Variants in TRAPPC8 observed in about 807,000 individuals in gnomAD.
TRAPPC8 encodes general sporulation gene 1 homolog.
TRAPPC8 carries 54 observed loss-of-function variants against 174.3 expected under a neutral mutation model. That is an observed-to-expected ratio of 0.31 (90% CI 0.25 to 0.39). The LOEUF (loss-of-function observed/expected upper bound fraction) is 0.39. Ranked by LOEUF, TRAPPC8 falls within the 10% of genes least tolerant of loss-of-function variation. The probability of loss-of-function intolerance (pLI) is 1.00; values close to 1 mark genes in which losing one functional copy is unlikely to be tolerated. For missense variants in TRAPPC8, 1,531 were observed against 1,699.1 expected, an observed-to-expected ratio of 0.90 and a Z score of 1.74; for synonymous variants, 630 against 579.9, an observed-to-expected ratio of 1.09 and a Z score of -1.24.
chr18:31,855,444 ATAT>A (rs531114985), intron 21 of TRAPPC8, among the ~76,000 whole-genome samples: 30 of 152,204 alleles, frequency 2.0e-4, no homozygotes, highest in Non-Finnish European at 3.4e-4. Context: ...AGTGTGTACC[ATAT>A]TAATATCAGA....
At position 31,857,881 on chromosome 18, in the gene TRAPPC8, C is replaced by T; in HGVS notation, c.2847G>A (p.Lys949=). 2 of 1,614,146 alleles carry T rather than the reference C, an allele frequency of 1.2e-6. No homozygotes were observed. Among genetic ancestry groups the T allele is most frequent in the Non-Finnish European group, 1.7e-6 (2 of 1,180,010 alleles). ...NVSKCPLTGL[K]VVSKRPEFFT... is the part of the protein sequence containing the mutation. ...AGAACTCTGGACGTTTAGAAACAAC[C>T]TTCAATCCAGTAAGTGGACATTTGC... is the stretch of plus-strand genomic sequence containing the variant. The change falls in exon 20 of 29, where the codon AAG becomes AAA. Residue 949 remains lysine, a synonymous_variant. Transcript: ENST00000283351.
chr18:31,916,170 C>G, intron 4 of TRAPPC8, 102 bp downstream of exon 4: 1 of 834,118 alleles, frequency 1.2e-6, no homozygotes, highest in South Asian at 3.6e-5. Context: ...TAAACTTTTA[C>G]ATTCTTGTAT....
At chr18:31,865,795 T>C (rs2145164891) in intron 18 of TRAPPC8, among the ~76,000 whole-genome samples, 1 of 151,308 alleles carries the variant, frequency 6.6e-6, no homozygotes, top group Admixed American at 6.6e-5. Flanking sequence ...ATTAGCATTT[T>C]TAAATTATAA....
Position 31,942,974 on chromosome 18 carries a change from C to G in TRAPPC8, c.-210G>C. 1 of 1,034,340 alleles carries G rather than the reference C, an allele frequency of 9.7e-7. No homozygotes were observed. 64.1% of individuals were successfully genotyped at this position (1,034,340 alleles called of 1,614,324 possible). Reference sequence around the variant, plus strand: ...GACCCCCCCCTTCCCGTCACCGCCGCTTCTCAGCGCTCGTCCCCGCGTGCT... The same window carrying G: ...GACCCCCCCCTTCCCGTCACCGCCGGTTCTCAGCGCTCGTCCCCGCGTGCT... On this transcript the variant is annotated 5_prime_UTR_variant, in exon 1 of 29. Coordinates refer to ENST00000283351, the MANE Select transcript of TRAPPC8 (RefSeq NM_014939.5).
At chr18:31,853,333 T>A (rs1442508876) in intron 22 of TRAPPC8, among the ~76,000 whole-genome samples, 2 of 152,184 alleles carry the variant, frequency 1.3e-5, no homozygotes, top group African/African-American at 4.8e-5. Context: ...AGTGGCATGA[T>A]CTTAGCTCAC....
intron 5 of TRAPPC8, among the ~76,000 whole-genome samples, chr18:31,911,681 G>A (rs1368040484): frequency 1.4e-5 from 2 of 145,126 alleles, no homozygotes; most frequent in African/African-American, 5.1e-5. Context: ...AGCTGTTGCA[G>A]TGAGCCGAGA....
intron 11 of TRAPPC8, among the ~76,000 whole-genome samples, chr18:31,894,718 G>T (rs1273967981): frequency 6.6e-6 from 1 of 152,118 alleles, no homozygotes. Context: ...ATGGCTCTAA[G>T]CTTTTAAGAT....
At chr18:31,835,577 C>T (rs1177698705) in intron 27 of TRAPPC8, among the ~76,000 whole-genome samples, 1 of 152,208 alleles carries the variant, frequency 6.6e-6, no homozygotes, top group Non-Finnish European at 1.5e-5. Context: ...GGTCACCCCA[C>T]TTTGACCACC....
At chr18:31,864,902 G>T in intron 18 of TRAPPC8, 121 bp from the exon 19 acceptor site, 1 of 826,440 alleles carries the variant, frequency 1.2e-6, no homozygotes, top group Non-Finnish European at 1.8e-6. Context: ...AGACAATTTT[G>T]ATTAACATGA....
In TRAPPC8 at chr18:31,916,438, C is replaced by T; in HGVS notation, c.451G>A (p.Val151Ile). 1 of 1,609,446 alleles carries T rather than the reference C, an allele frequency of 6.2e-7. No homozygotes were observed. Among genetic ancestry groups the T allele is most frequent in the Non-Finnish European group, 8.5e-7 (1 of 1,178,660 alleles). Residue 151 changes from valine to isoleucine, a missense_variant, in exon 4 of 29, where the codon GTA becomes ATA. Physicochemically the swap from Val to Ile is conservative, Grantham distance 29. Coordinates refer to ENST00000283351, the MANE Select transcript of TRAPPC8 (RefSeq NM_014939.5). Reference sequence around the variant, plus strand: ...GGTTCAGCTTCACTAGATGACGCTACCAACATACCTTGTAAACCATATTAT... The same window carrying T: ...GGTTCAGCTTCACTAGATGACGCTATCAACATACCTTGTAAACCATATTAT... ...FLNHYLACML[V>I]ASSSEAEPVE...
chr18:31,921,023 TTAAA>T (rs1338143740), intron 2 of TRAPPC8, among the ~76,000 whole-genome samples: 1 of 151,662 alleles, frequency 6.6e-6, no homozygotes, highest in Non-Finnish European at 1.5e-5. Context: ...TGAGGTGTAG[TTAAA>T]TAAATTATGG....
chr18:31,831,775 C>T (rs910696302), intron 28 of TRAPPC8, among the ~76,000 whole-genome samples: 5 of 152,188 alleles, frequency 3.3e-5, no homozygotes, highest in East Asian at 1.9e-4. Flanking sequence ...ATTAAGTATA[C>T]GCTTTATAGT....
Position 31,900,537 on chromosome 18 carries a change from G to A in TRAPPC8, c.1490+388C>T, listed in dbSNP as rs373116353. On this transcript the variant is annotated intron_variant, in intron 10 of 28. Coordinates refer to ENST00000283351, the MANE Select transcript of TRAPPC8 (RefSeq NM_014939.5). Reference sequence around the variant, plus strand: ...GGACCAGCTCATAGTCTCCTCATAGGTGGTGAGTTCTCACTTTTATAGGGT... The same window carrying A: ...GGACCAGCTCATAGTCTCCTCATAGATGGTGAGTTCTCACTTTTATAGGGT... Among the ~76,000 whole-genome samples, 30 of 152,270 alleles carry A rather than the reference G, an allele frequency of 2.0e-4. No individual in the cohort carries two copies. The East Asian group carries it at 2.5e-3, about 13-fold the overall frequency.
chr18:31,906,894 C>T (rs1418669433), intron 9 of TRAPPC8, among the ~76,000 whole-genome samples: 1 of 151,994 alleles, frequency 6.6e-6, no homozygotes, highest in African/African-American at 2.4e-5. Context: ...CAATAACTTG[C>T]CTAAGATGAG....
At chr18:31,909,174 A>C (rs1444812403) in intron 6 of TRAPPC8, among the ~76,000 whole-genome samples, 164 bp from the exon 7 acceptor site, 1 of 152,196 alleles carries the variant, frequency 6.6e-6, no homozygotes, top group Middle Eastern at 3.4e-3. Flanking sequence ...CCCCAGCCCC[A>C]AAATTAATGA....
At chr18:31,879,978 AAAAAT>A (rs1247297806) in intron 12 of TRAPPC8, among the ~76,000 whole-genome samples, 2 of 128,118 alleles carry the variant, frequency 1.6e-5, no homozygotes, top group African/African-American at 5.8e-5. Context: ...AATTAAAAAA[AAAAAT>A]AAATAAACAA....
At chr18:31,858,460 A>G (rs958084946) in intron 19 of TRAPPC8, among the ~76,000 whole-genome samples, 1 of 152,218 alleles carries the variant, frequency 6.6e-6, no homozygotes, top group Non-Finnish European at 1.5e-5. Context: ...TTTCATATCC[A>G]TAATTTTAAA....
In TRAPPC8 at chr18:31,892,971, T is replaced by C. The variant is rs546324776; in HGVS notation, c.1597-2105A>G. 6.7e-5 allele frequency among the ~76,000 whole-genome samples: 10 copies of C among 148,840 alleles called. No individual in the cohort carries two copies. The South Asian group carries it at 1.7e-3, about 25-fold the overall frequency. ...GGCTGCGGCTGCAGTGAGCCATGAA[T>C]GCACCACTGCACTCCAGCCTTGGTG... On this transcript the variant is annotated intron_variant, in intron 11 of 28. Transcript: ENST00000283351.
At chr18:31,837,653 G>GTT (rs1453866796) in intron 27 of TRAPPC8, among the ~76,000 whole-genome samples, 1 of 151,534 alleles carries the variant, frequency 6.6e-6, no homozygotes, top group Non-Finnish European at 1.5e-5. Context: ...AGCCAAGATC[G>GTT]TATCACTGCA....
Sources: allele counts gnomAD v4.1 joint callset (sites outside exome capture counted in the v4.1 genomes callset), GRCh38; gene constraint gnomAD v4.1.1; transcripts MANE v1.5; gene names NCBI Gene and HGNC (gene_info 2026-07-23, HGNC 2026-07-21).